The following PCDH9 variants were observed in gnomAD, a reference collection of about 807,000 sequenced individuals.
PCDH9 encodes the protein protocadherin 9, also known as protocadherin-9.
In PCDH9, 24 loss-of-function variants were observed where a neutral mutation model predicts 70.6. The ratio of observed to expected loss-of-function variants is 0.34; its 90% CI spans 0.25 to 0.48. The LOEUF is 0.48. Among genes scored for constraint, PCDH9 ranks in the 20% least tolerant of loss-of-function variants. The pLI, the probability that PCDH9 is intolerant of heterozygous loss-of-function variation, is 0.99. For missense variants in PCDH9, 1,281 were observed against 1,503.6 expected (o/e 0.85, Z 2.45); for synonymous variants, 562 against 558.5 (o/e 1.01, Z -0.09).
chr13:66,801,076 C>T (rs2080319378), intron 3 of PCDH9, among the ~76,000 whole-genome samples: 1 of 146,384 alleles, frequency 6.8e-6, no homozygotes, highest in South Asian at 2.1e-4. Context: ...TAGGCTGAAA[C>T]CTCGAGGAGG....
At chr13:66,840,518 G>A (rs2139428285) in intron 3 of PCDH9, among the ~76,000 whole-genome samples, 1 of 152,254 alleles carries the variant, frequency 6.6e-6, no homozygotes, top group Admixed American at 6.5e-5. Flanking sequence ...CTTATTCTGT[G>A]TAACCCTTAC....
intron 4 of PCDH9, among the ~76,000 whole-genome samples, chr13:66,572,637 T>C (rs1271363063): frequency 6.6e-6 from 1 of 152,208 alleles, no homozygotes; most frequent in African/African-American, 2.4e-5. Context: ...GTTGATTGTG[T>C]ATCTTGGCTA....
rs901591289 is a variant in PCDH9 at position 66,481,364 on chromosome 13, G to A, written c.3340+149846C>T. ...CCTTCAGCACTCATCACCCTGATGAGTCAGCAGCCATCAACATTGAGGCAG... is the reference window on the plus strand; with the variant it reads ...CCTTCAGCACTCATCACCCTGATGAATCAGCAGCCATCAACATTGAGGCAG... On this transcript the variant is annotated intron_variant, in intron 4 of 4. Transcript: ENST00000377865. 3.3e-5 allele frequency among the ~76,000 whole-genome samples: 5 copies of A among 150,722 alleles called. No individual in the cohort carries two copies. The South Asian group carries it at 8.4e-4, about 25-fold the overall frequency.
chr13:66,525,738 G>T (rs1960189004), intron 4 of PCDH9, among the ~76,000 whole-genome samples: 1 of 152,074 alleles, frequency 6.6e-6, no homozygotes, highest in Non-Finnish European at 1.5e-5. Context: ...ACATTCTAGT[G>T]CACTTCAGCC....
intron 3 of PCDH9, among the ~76,000 whole-genome samples, chr13:66,652,615 C>CA (rs538548049): frequency 2.0e-3 from 299 of 151,446 alleles, no homozygotes; most frequent in African/African-American, 7.0e-3. Flanking sequence ...ATATTCTTCA[C>CA]AAAAAACAAT....
At chr13:67,132,432 T>A (rs1485176803) in intron 2 of PCDH9, among the ~76,000 whole-genome samples, 1 of 152,170 alleles carries the variant, frequency 6.6e-6, no homozygotes, top group East Asian at 1.9e-4. Context: ...AGCTAGAAAT[T>A]TCTTAGGTGA....
chr13:67,141,415 TTC>T (rs540110973), intron 2 of PCDH9, among the ~76,000 whole-genome samples: 8 of 150,644 alleles, frequency 5.3e-5, no homozygotes, highest in South Asian at 2.1e-4. Context: ...TAGTAAGATC[TTC>T]TCTCTCTCTC....
At chr13:66,917,719 C>T (rs1260325500) in intron 2 of PCDH9, among the ~76,000 whole-genome samples, 4 of 151,256 alleles carry the variant, frequency 2.6e-5, no homozygotes, top group Non-Finnish European at 5.9e-5. Context: ...CATGAATATT[C>T]CCTTACTAAA....
At chr13:66,955,391 T>G (rs1245635681) in intron 2 of PCDH9, among the ~76,000 whole-genome samples, 2 of 152,190 alleles carry the variant, frequency 1.3e-5, no homozygotes, top group Non-Finnish European at 2.9e-5. Context: ...CCCCAAAAAA[T>G]GATCCTTTGG....
chr13:66,496,601 T>C (rs1017131380), intron 4 of PCDH9, among the ~76,000 whole-genome samples: 1 of 152,200 alleles, frequency 6.6e-6, no homozygotes, highest in Non-Finnish European at 1.5e-5. Context: ...ATCTGTCCTG[T>C]AAACATCTGT....
chr13:67,195,915 C>T (rs2089051850), intron 2 of PCDH9, among the ~76,000 whole-genome samples: 1 of 152,002 alleles, frequency 6.6e-6, no homozygotes, highest in South Asian at 2.1e-4. Flanking sequence ...AATGGTTGCT[C>T]GACTTGATAT....
chr13:67,140,023 T>TCACCC (rs2087335138), intron 2 of PCDH9, among the ~76,000 whole-genome samples: 1 of 35,176 alleles, frequency 2.8e-5, no homozygotes, highest in Non-Finnish European at 5.6e-5. Context: ...GATTTTTTGA[T>TCACCC]CACCCCCCCC....
chr13:67,205,974 G>A (rs971385319), intron 2 of PCDH9: 2 of 152,094 alleles, frequency 1.3e-5, no homozygotes, highest in African/African-American at 4.8e-5. Context: ...ACAGGGTCTT[G>A]CTCTAGTGCC....
At chr13:66,636,879 A>G (rs2077645257) in intron 3 of PCDH9, among the ~76,000 whole-genome samples, 1 of 152,094 alleles carries the variant, frequency 6.6e-6, no homozygotes, top group African/African-American at 2.4e-5. Context: ...CTCTGCATAA[A>G]TCCAATAAAG....
At chr13:67,069,838 T>C (rs1566403414) in intron 2 of PCDH9, among the ~76,000 whole-genome samples, 2 of 152,282 alleles carry the variant, frequency 1.3e-5, no homozygotes, top group African/African-American at 4.8e-5. Flanking sequence ...CTGCTTCTCA[T>C]AAAAATCTTG....
In PCDH9 at chr13:66,372,145, A is replaced by G. The variant is rs182959406; in HGVS notation, c.3341-67117T>C. On this transcript the variant is annotated intron_variant, in intron 4 of 4. Coordinates refer to ENST00000377865, the MANE Select transcript of PCDH9 (RefSeq NM_203487.3). ...ATGCACCACAGAAGTTGAAAAGATG[A>G]AAACACATGCACCATCTGCCCTCAA... Among the ~76,000 whole-genome samples the G allele has an allele frequency of 4.6e-3, 700 of 152,174 alleles. 4 individuals are homozygous for G. The highest frequency in any genetic ancestry group is 0.01 in the Middle Eastern group (3 of 294).
At chr13:66,591,793 GT>G (rs1384106955) in intron 4 of PCDH9, among the ~76,000 whole-genome samples, 8 of 151,512 alleles carry the variant, frequency 5.3e-5, no homozygotes, top group African/African-American at 1.9e-4. Context: ...AATATAAAGT[GT>G]TGCAGGTTGG....
chr13:67,153,233 C>T (rs1566458993), intron 2 of PCDH9, among the ~76,000 whole-genome samples: 1 of 151,968 alleles, frequency 6.6e-6, no homozygotes, highest in Admixed American at 6.6e-5. Flanking sequence ...GCGATCATGG[C>T]TCACTATAGC....
At chr13:66,947,095 G>A (rs780849237) in intron 2 of PCDH9, among the ~76,000 whole-genome samples, 3 of 152,112 alleles carry the variant, frequency 2.0e-5, no homozygotes, top group Admixed American at 6.6e-5. Context: ...TCCTGCCAAC[G>A]AGCATCTCTT....
Sources: allele counts gnomAD v4.1 joint callset (sites outside exome capture counted in the v4.1 genomes callset), GRCh38; gene constraint gnomAD v4.1.1; transcripts MANE v1.5; gene names NCBI Gene and HGNC (gene_info 2026-07-23, HGNC 2026-07-21).